Variants in PDZRN3 observed in about 807,000 individuals in gnomAD.
PDZRN3 encodes the protein PDZ domain containing ring finger 3, also known as E3 ubiquitin-protein ligase PDZRN3.
In PDZRN3, 38 loss-of-function variants were observed where a neutral mutation model predicts 85.7. The ratio of observed to expected loss-of-function variants is 0.44; its 90% CI spans 0.34 to 0.58. PDZRN3 has a LOEUF of 0.58. Ranked by LOEUF, PDZRN3 falls within the 20% of genes least tolerant of loss-of-function variation. The pLI is 0.01. For synonymous variants in PDZRN3, 759 were observed against 638.0 expected, an observed-to-expected ratio of 1.19 and a Z score of -2.86; for missense variants, 1,629 against 1,506.4, an observed-to-expected ratio of 1.08 and a Z score of -1.35.
intron 3 of PDZRN3, among the ~76,000 whole-genome samples, chr3:73,468,520 T>G (rs1309502358): frequency 6.6e-6 from 1 of 151,376 alleles, no homozygotes; most frequent in Non-Finnish European, 1.5e-5. Flanking sequence ...GGAAAAACCA[T>G]GAAGATGGCA....
intron 3 of PDZRN3, chr3:73,569,107 C>G: frequency 4.2e-6 from 5 of 1,182,258 alleles, no homozygotes; most frequent in Non-Finnish European, 5.6e-6. Context: ...GAACCCAGCT[C>G]ACCTATTCTA....
At chr3:73,464,055 G>A (rs1199959045) in intron 3 of PDZRN3, among the ~76,000 whole-genome samples, 2 of 152,032 alleles carry the variant, frequency 1.3e-5, no homozygotes, top group East Asian at 1.9e-4. Context: ...GGGCGATCTC[G>A]GCTCACTGCA....
At chr3:73,434,630 A>G (rs1054492985) in intron 3 of PDZRN3, among the ~76,000 whole-genome samples, 1 of 152,214 alleles carries the variant, frequency 6.6e-6, no homozygotes, top group Non-Finnish European at 1.5e-5. Flanking sequence ...AGTCAGCTTC[A>G]TGCCATCCCC....
chr3:73,622,349 A>C (rs1702880086), intron 1 of PDZRN3, among the ~76,000 whole-genome samples: 1 of 152,230 alleles, frequency 6.6e-6, no homozygotes, highest in South Asian at 2.1e-4. Flanking sequence ...GGGAGAGGGC[A>C]GAGAGAGGCA....
chr3:73,597,475 G>A (rs1702446551), intron 3 of PDZRN3, among the ~76,000 whole-genome samples: 1 of 152,126 alleles, frequency 6.6e-6, no homozygotes, highest in East Asian at 1.9e-4. Flanking sequence ...TGGGAATAGA[G>A]GGCTTAAGTC....
At chr3:73,574,828 C>T (rs1702099714) in intron 3 of PDZRN3, among the ~76,000 whole-genome samples, 1 of 152,316 alleles carries the variant, frequency 6.6e-6, no homozygotes, top group Non-Finnish European at 1.5e-5. Flanking sequence ...TTCAACTTCC[C>T]CCCTCATCTA....
At chr3:73,444,124 A>G (rs1702701654) in intron 3 of PDZRN3, among the ~76,000 whole-genome samples, 1 of 152,050 alleles carries the variant, frequency 6.6e-6, no homozygotes, top group African/African-American at 2.4e-5. Context: ...TTTGTGACTG[A>G]CATCCCTAAT....
intron 3 of PDZRN3, among the ~76,000 whole-genome samples, chr3:73,502,740 A>C (rs1031130362): frequency 1.3e-5 from 2 of 152,208 alleles, no homozygotes; most frequent in African/African-American, 2.4e-5. Flanking sequence ...TGGAAAGCAA[A>C]TCCCCCAGAG....
chr3:73,412,637 G>A (rs1417415439), intron 3 of PDZRN3, among the ~76,000 whole-genome samples: 4 of 152,186 alleles, frequency 2.6e-5, no homozygotes, highest in Non-Finnish European at 5.9e-5. Flanking sequence ...GCACTTGTGA[G>A]CTGTGCTATC....
chr3:73,548,468 T>C (rs1701480012), intron 3 of PDZRN3, among the ~76,000 whole-genome samples: 1 of 152,210 alleles, frequency 6.6e-6, no homozygotes, highest in Non-Finnish European at 1.5e-5. Flanking sequence ...CACTCACTAA[T>C]TTGAGGCTTT....
intron 3 of PDZRN3, among the ~76,000 whole-genome samples, chr3:73,506,719 A>C (rs1195059129): frequency 2.0e-5 from 3 of 152,290 alleles, no homozygotes; most frequent in Admixed American, 1.3e-4. Flanking sequence ...ATTTTTCTTA[A>C]GGAAAACATA....
chr3:73,614,298 A>C (rs1702729279), intron 1 of PDZRN3, among the ~76,000 whole-genome samples: 1 of 152,154 alleles, frequency 6.6e-6, no homozygotes, highest in African/African-American at 2.4e-5. Context: ...TCTATTGGCA[A>C]AGTCCCTTTT....
intron 3 of PDZRN3, among the ~76,000 whole-genome samples, chr3:73,429,924 C>A (rs1702396753): frequency 1.3e-5 from 2 of 152,154 alleles, no homozygotes; most frequent in African/African-American, 4.8e-5. Context: ...TCAGGAGGTA[C>A]CACGTAGCAC....
chr3:73,423,619 G>A (rs542661533), intron 3 of PDZRN3, among the ~76,000 whole-genome samples: 1 of 152,346 alleles, frequency 6.6e-6, no homozygotes, highest in South Asian at 2.1e-4. Context: ...TTACAGATGT[G>A]TCTTCTTTTA....
At chr3:73,489,984 C>T (rs1703740551) in intron 3 of PDZRN3, among the ~76,000 whole-genome samples, 1 of 152,158 alleles carries the variant, frequency 6.6e-6, no homozygotes, top group African/African-American at 2.4e-5. Flanking sequence ...TTGTGAGTAG[C>T]TTGTGGAATC....
At chr3:73,517,589 G>A (rs1427732867) in intron 3 of PDZRN3, among the ~76,000 whole-genome samples, 1 of 152,166 alleles carries the variant, frequency 6.6e-6, no homozygotes, top group Non-Finnish European at 1.5e-5. Flanking sequence ...CAAAATGGCA[G>A]GGAGGAAACT....
intron 3 of PDZRN3, among the ~76,000 whole-genome samples, chr3:73,469,518 C>G (rs1703291113): frequency 6.6e-6 from 1 of 152,194 alleles, no homozygotes; most frequent in Non-Finnish European, 1.5e-5. Flanking sequence ...GTGAAATTCA[C>G]CAACACTCCG....
chr3:73,396,591 A>G (rs1005250824), intron 5 of PDZRN3, among the ~76,000 whole-genome samples: 1 of 152,216 alleles, frequency 6.6e-6, no homozygotes, highest in African/African-American at 2.4e-5. Context: ...AGCTTCCTCT[A>G]TGAAACCAGG....
intron 2 of PDZRN3, among the ~76,000 whole-genome samples, chr3:73,608,074 C>A (rs951204968): frequency 4.1e-4 from 63 of 152,178 alleles, no homozygotes; most frequent in African/African-American, 1.5e-3. Context: ...AATTCGGCCT[C>A]TTCTTTCTAG....
Sources: allele counts gnomAD v4.1 joint callset (sites outside exome capture counted in the v4.1 genomes callset), GRCh38; gene constraint gnomAD v4.1.1; transcripts MANE v1.5; gene names NCBI Gene and HGNC (gene_info 2026-07-23, HGNC 2026-07-21).